The following EFCAB14 variants were observed in gnomAD, a reference collection of about 807,000 sequenced individuals.
The protein encoded by EFCAB14 is EF-hand calcium-binding domain-containing protein 14.
In EFCAB14, 43 loss-of-function variants were observed where a neutral mutation model predicts 56.5. The observed-to-expected ratio is 0.76, with a 90% CI of 0.60 to 0.98. The LOEUF is 0.98. Ranked by LOEUF, EFCAB14 falls within the 50% of genes least tolerant of loss-of-function variation. EFCAB14 has a pLI of 0.00. For missense variants in EFCAB14, 538 were observed against 580.3 expected (o/e 0.93, Z 0.75); for synonymous variants, 235 against 212.9 (o/e 1.10, Z -0.90).
chr1:46,707,347 T>G (rs999240732), intron 3 of EFCAB14, among the ~76,000 whole-genome samples: 1 of 152,224 alleles, frequency 6.6e-6, no homozygotes, highest in African/African-American at 2.4e-5. Flanking sequence ...GCCTTTATTC[T>G]CTGGCAGAGT....
At chr1:46,681,945 C>T (rs1159865341) in intron 10 of EFCAB14, among the ~76,000 whole-genome samples, 2 of 151,650 alleles carry the variant, frequency 1.3e-5, no homozygotes, top group African/African-American at 4.8e-5. Context: ...CAACACTTCC[C>T]CTCCTCCCCA....
intron 2 of EFCAB14, among the ~76,000 whole-genome samples, chr1:46,709,012 A>G (rs1230743086): frequency 6.6e-6 from 1 of 151,824 alleles, no homozygotes; most frequent in Non-Finnish European, 1.5e-5. Context: ...AAAAACTGGC[A>G]TAAAAGACCC....
Position 46,718,230 on chromosome 1 carries a change from G to C in EFCAB14, c.-143C>G, listed in dbSNP as rs1677428573. The C allele has an allele frequency of 1.3e-6, 1 of 741,296 alleles. No individual in the cohort carries two copies. The allele number at this position is 741,296 out of a possible 1,614,324, so 45.9% of individuals were successfully genotyped here. On this transcript the variant is annotated 5_prime_UTR_variant, in exon 1 of 11. Transcript: ENST00000371933. ...CCCTGGTCACTCCCACCTAGGGGTG[G>C]GACTGACCAGATCCGCCAGGGACTG...
At chr1:46,683,670 A>ACAGT (rs1676833417) in intron 9 of EFCAB14, among the ~76,000 whole-genome samples, 1 of 152,220 alleles carries the variant, frequency 6.6e-6, no homozygotes, top group Non-Finnish European at 1.5e-5. Flanking sequence ...AGAAGATCTT[A>ACAGT]CAGTACAAGC....
intron 2 of EFCAB14, among the ~76,000 whole-genome samples, chr1:46,714,531 G>A (rs568452418): frequency 3.9e-5 from 6 of 152,022 alleles, no homozygotes; most frequent in Admixed American, 3.9e-4. Context: ...ATGGCTCAAA[G>A]TTGTAATTCC....
chr1:46,718,105 G>A lies in EFCAB14; in HGVS notation c.-18C>T. 2 of 1,610,994 alleles carry A rather than the reference G, an allele frequency of 1.2e-6. No individual in the cohort carries two copies. Among genetic ancestry groups the A allele is most frequent in the South Asian group, 1.1e-5 (1 of 90,924 alleles). ...TTTTTCATCTTTTTGTGTGGGGTGAGTGGAGCCCCGACTCCTGAGCTGCCA... is the reference window on the plus strand; with the variant it reads ...TTTTTCATCTTTTTGTGTGGGGTGAATGGAGCCCCGACTCCTGAGCTGCCA... On this transcript the variant is annotated 5_prime_UTR_variant, in exon 1 of 11. Coordinates refer to ENST00000371933, the MANE Select transcript of EFCAB14 (RefSeq NM_014774.3).
intron 2 of EFCAB14, among the ~76,000 whole-genome samples, chr1:46,713,251 T>C (rs1271824032): frequency 6.6e-6 from 1 of 152,136 alleles, no homozygotes; most frequent in East Asian, 1.9e-4. Flanking sequence ...TTGCAGGTGC[T>C]GGCATTTCTA....
intron 2 of EFCAB14, among the ~76,000 whole-genome samples, chr1:46,712,577 T>C (rs1212368716): frequency 3.9e-5 from 6 of 152,168 alleles, no homozygotes; most frequent in Admixed American, 6.5e-5. Context: ...GCAAGTGTCT[T>C]GGAAAATTTA....
chr1:46,680,744 G>A (rs1315811719), intron 10 of EFCAB14, among the ~76,000 whole-genome samples: 3 of 152,154 alleles, frequency 2.0e-5, no homozygotes, highest in African/African-American at 7.2e-5. Flanking sequence ...TATGTGAATT[G>A]TATTTCAATA....
chr1:46,689,103 C>CTCTATTCTCTTTAATGTGAT (rs1676936804), intron 6 of EFCAB14, among the ~76,000 whole-genome samples: 1 of 152,092 alleles, frequency 6.6e-6, no homozygotes, highest in African/African-American at 2.4e-5. Flanking sequence ...TGAAGATTTC[C>CTCTATTCTCTTTAATGTGAT]TCTATTCTCT....
intron 2 of EFCAB14, among the ~76,000 whole-genome samples, chr1:46,713,939 T>C (rs1214078369): frequency 6.6e-6 from 1 of 152,118 alleles, no homozygotes; most frequent in Admixed American, 6.5e-5. Flanking sequence ...GAAAAATAAA[T>C]ATGGGGTATA....
chr1:46,702,361 T>C (rs1406415933), intron 3 of EFCAB14, among the ~76,000 whole-genome samples: 2 of 152,208 alleles, frequency 1.3e-5, no homozygotes, highest in Non-Finnish European at 2.9e-5. Context: ...CTCAGCATCA[T>C]ATCCTTTCAG....
At chr1:46,697,546 T>A (rs1343360645) in intron 3 of EFCAB14, among the ~76,000 whole-genome samples, 1 of 152,154 alleles carries the variant, frequency 6.6e-6, no homozygotes, top group African/African-American at 2.4e-5. Flanking sequence ...CAATAGCAAT[T>A]ATATTCAGAG....
At chr1:46,692,189 T>C in intron 4 of EFCAB14, 2 of 328,040 alleles carry the variant, frequency 6.1e-6, no homozygotes, top group Non-Finnish European at 1.1e-5. Context: ...CAGTCTTCAT[T>C]TTCTAGATTT....
chr1:46,680,466 G>A (rs1676774986), intron 10 of EFCAB14, among the ~76,000 whole-genome samples: 1 of 152,116 alleles, frequency 6.6e-6, no homozygotes, highest in South Asian at 2.1e-4. Context: ...GAAAGAAAAA[G>A]CACACACAAG....
rs1677429483 is a variant in EFCAB14 at position 46,718,262 on chromosome 1, G to A, written c.-175C>T. ...CCAGATCCGCCAGGGACTGGAGATT[G>A]GAGCCCAGAGGAAACTGGAACTCAG... is the stretch of plus-strand genomic sequence containing the variant. On this transcript the variant is annotated 5_prime_UTR_variant, in exon 1 of 11. Coordinates refer to ENST00000371933, the MANE Select transcript of EFCAB14 (RefSeq NM_014774.3). The A allele has an allele frequency of 1.7e-6, 1 of 582,038 alleles. No individual in the cohort carries two copies. The highest frequency in any genetic ancestry group is 3.0e-6 in the Non-Finnish European group (1 of 333,494). 36.1% of individuals were successfully genotyped at this position (582,038 alleles called of 1,614,324 possible). A position where few individuals can be genotyped will look rare whatever the true frequency, so the allele number is the denominator to read the frequency against.
chr1:46,679,135 G>A (rs1676746073), intron 10 of EFCAB14, among the ~76,000 whole-genome samples: 1 of 152,210 alleles, frequency 6.6e-6, no homozygotes, highest in Non-Finnish European at 1.5e-5. Flanking sequence ...GGCATATTGT[G>A]AGATTTCTTG....
intron 2 of EFCAB14, among the ~76,000 whole-genome samples, chr1:46,714,161 T>C (rs1677351480): frequency 6.6e-6 from 1 of 152,100 alleles, no homozygotes. Flanking sequence ...CTTGAGTAAC[T>C]GTAGGCAGCC....
rs143401409 is a variant in EFCAB14 at position 46,704,939 on chromosome 1, A to G, written c.480+2967T>C. On this transcript the variant is annotated intron_variant, in intron 3 of 10. Coordinates refer to ENST00000371933, the MANE Select transcript of EFCAB14 (RefSeq NM_014774.3). Reference sequence around the variant, plus strand: ...TATATTAACTTCAACTTACATTGTGATAAGAACAGTTCTCGTTAAGTGATA... The same window carrying G: ...TATATTAACTTCAACTTACATTGTGGTAAGAACAGTTCTCGTTAAGTGATA... Among the ~76,000 whole-genome samples the G allele has an allele frequency of 7.3e-4, 111 of 151,056 alleles. 1 individual carries two copies. Among genetic ancestry groups the G allele is most frequent in the African/African-American group, 2.0e-3 (84 of 41,072 alleles).
Sources: allele counts gnomAD v4.1 joint callset (sites outside exome capture counted in the v4.1 genomes callset), GRCh38; gene constraint gnomAD v4.1.1; transcripts MANE v1.5; gene names NCBI Gene and HGNC (gene_info 2026-07-23, HGNC 2026-07-21).